The following PCDHGB1 variants were observed in gnomAD, a reference collection of about 807,000 sequenced individuals.
The protein encoded by PCDHGB1 is protocadherin gamma-B1.
In PCDHGB1, 34 loss-of-function variants were observed where a neutral mutation model predicts 56.6. The observed-to-expected ratio is 0.60, with a 90% CI of 0.46 to 0.80. The LOEUF (loss-of-function observed/expected upper bound fraction) is 0.80. Among genes scored for constraint, PCDHGB1 ranks in the 30% least tolerant of loss-of-function variants. The pLI is 0.00. For synonymous variants in PCDHGB1, 561 were observed against 505.9 expected, an observed-to-expected ratio of 1.11 and a Z score of -1.46; for missense variants, 1,278 against 1,204.6, an observed-to-expected ratio of 1.06 and a Z score of -0.90.
At chr5:141,450,786 C>A (rs1468388706) in intron 1 of PCDHGB1, among the ~76,000 whole-genome samples, 1 of 151,020 alleles carries the variant, frequency 6.6e-6, no homozygotes, top group Admixed American at 6.6e-5. Flanking sequence ...CGTGCCCGGA[C>A]CTCATGATTG....
At position 141,491,828 on chromosome 5, in the gene PCDHGB1, G is replaced by C. The variant is rs1389234164; in HGVS notation, c.2410-2979G>C. ...CTTGGTCGCTGGCTGCGCTCCACCC[G>C]ATTCTCGGGATCATTGGACCGTTTG... On this transcript the variant is annotated intron_variant, in intron 1 of 3. Coordinates refer to ENST00000523390, the MANE Select transcript of PCDHGB1 (RefSeq NM_018922.3). The surrounding 1 kb of genome is among the most constrained non-coding windows in gnomAD (Gnocchi z 6.9). 4.1e-6 allele frequency: 6 copies of C among 1,475,668 alleles called. No homozygotes were observed. The highest frequency in any genetic ancestry group is 5.4e-6 in the Non-Finnish European group (6 of 1,113,522). 91.4% of individuals were successfully genotyped at this position (1,475,668 alleles called of 1,614,324 possible).
Position 141,505,427 on chromosome 5 carries a change from A to G in PCDHGB1, c.2503A>G (p.Asn835Asp), listed in dbSNP as rs1453435374. Reference protein sequence around the residue: ...QNGDDTGTWPNNQFDTEMLQA... With the variant: ...QNGDDTGTWPDNQFDTEMLQA... The stretch of plus-strand genomic sequence containing the variant: ...TGGCGATGACACCGGCACCTGGCCC[A>G]ACAACCAGTTTGACACAGAGATGCT... The change falls in exon 3 of 4, where the codon AAC (asparagine) becomes GAC (aspartate). Residue 835 changes from asparagine to aspartate, a missense_variant. Physicochemically the swap from Asn to Asp is conservative, Grantham distance 23 (BLOSUM62 1). Coordinates refer to ENST00000523390, the MANE Select transcript of PCDHGB1 (RefSeq NM_018922.3). 1 of 1,614,230 alleles carries G rather than the reference A, an allele frequency of 6.2e-7. No individual in the cohort carries two copies. Among genetic ancestry groups the G allele is most frequent in the East Asian group, 2.2e-5 (1 of 44,878 alleles).
intron 1 of PCDHGB1, chr5:141,356,581 A>C (rs762640676): frequency 6.2e-7 from 1 of 1,614,132 alleles, no homozygotes; most frequent in South Asian, 1.1e-5. Context: ...CTCTGCTTAC[A>C]TTCCTGAAAA....
intron 1 of PCDHGB1, chr5:141,399,154 G>T (rs780620346): frequency 1.2e-6 from 2 of 1,613,850 alleles, no homozygotes; most frequent in South Asian, 1.1e-5. Context: ...TAGCCCAGAA[G>T]TTACATTCCA....
intron 1 of PCDHGB1, chr5:141,413,350 G>C: frequency 6.2e-7 from 1 of 1,613,974 alleles, no homozygotes; most frequent in South Asian, 1.1e-5. Context: ...CTTGGGTCTG[G>C]CGCCCCGGGA....
chr5:141,422,795 A>G lies in PCDHGB1; in HGVS notation c.2409+70126A>G, dbSNP rs543001807. ...CTCTATGCCCTACAATCCTTCGACTATGAGCAGTTTCGAGACTTAGAACTG... is the reference window on the plus strand; with the variant it reads ...CTCTATGCCCTACAATCCTTCGACTGTGAGCAGTTTCGAGACTTAGAACTG... On this transcript the variant is annotated intron_variant, in intron 1 of 3. Transcript: ENST00000523390. 14 of 1,614,198 alleles carry G rather than the reference A, an allele frequency of 8.7e-6. No homozygotes were observed. In the East Asian group the frequency reaches 1.8e-4, roughly 21 times the overall value.
At chr5:141,454,811 T>TTTTTA (rs1284435092) in intron 1 of PCDHGB1, among the ~76,000 whole-genome samples, 4 of 125,862 alleles carry the variant, frequency 3.2e-5, no homozygotes, top group African/African-American at 1.3e-4. Context: ...TTTTTTTTTT[T>TTTTTA]TTTTTTTTTT....
chr5:141,366,787 T>C, intron 1 of PCDHGB1: 1 of 1,572,004 alleles, frequency 6.4e-7, no homozygotes, highest in Non-Finnish European at 8.6e-7. Flanking sequence ...GACCAGAACA[T>C]TTTCATTTGT....
At chr5:141,453,029 A>G (rs1014709934) in intron 1 of PCDHGB1, among the ~76,000 whole-genome samples, 1 of 152,206 alleles carries the variant, frequency 6.6e-6, no homozygotes, top group Non-Finnish European at 1.5e-5. Context: ...TCATTAAAAT[A>G]AAGTTTGTTT....
intron 1 of PCDHGB1, among the ~76,000 whole-genome samples, chr5:141,438,655 T>C (rs1436221152): frequency 7.1e-6 from 1 of 140,042 alleles, no homozygotes; most frequent in Non-Finnish European, 1.5e-5. Flanking sequence ...CACACACATA[T>C]ATGTATATAT....
rs1171628790 is a variant in PCDHGB1 at position 141,352,592 on chromosome 5, T to A, written c.2332T>A (p.Cys778Ser). The A allele has an allele frequency of 1.9e-6, 3 of 1,613,672 alleles. No homozygotes were observed. In the East Asian group the frequency reaches 6.7e-5, roughly 36 times the overall value. The part of the protein sequence containing the change: ...PEMAPPQDLL[C>S]DDPSMVVCAS... Reference sequence around the variant, plus strand: ...AATGGCTCCCCCTCAGGATCTGCTGTGTGATGATCCTTCTATGGTTGTATG... The same window carrying A: ...AATGGCTCCCCCTCAGGATCTGCTGAGTGATGATCCTTCTATGGTTGTATG... Residue 778 changes from cysteine (C) to serine (S), a missense_variant, in exon 1 of 4, where the codon TGT (cysteine) becomes AGT (serine). By Grantham distance (112) the Cys-to-Ser change is moderately radical (BLOSUM62 -1). Coordinates refer to ENST00000523390, the MANE Select transcript of PCDHGB1 (RefSeq NM_018922.3).
chr5:141,371,279 C>G lies in PCDHGB1; in HGVS notation c.2409+18610C>G, dbSNP rs1206885550. ...AAGTGAGACAACTGTTCAAGCTGGA[C>G]AGTAAAACGGGGGAACTCACCACTA... On this transcript the variant is annotated intron_variant, in intron 1 of 3. Transcript: ENST00000523390. 3 of 1,613,900 alleles carry G rather than the reference C, an allele frequency of 1.9e-6. No homozygotes were observed. In the African/African-American group the frequency reaches 4.0e-5, roughly 22 times the overall value.
chr5:141,415,627 A>T, intron 1 of PCDHGB1: 1 of 1,598,406 alleles, frequency 6.3e-7, no homozygotes, highest in Non-Finnish European at 8.5e-7. Context: ...TTTTATTTTC[A>T]TTTTTACTTT....
intron 1 of PCDHGB1, chr5:141,365,399 T>C: frequency 1.2e-6 from 2 of 1,614,008 alleles, no homozygotes; most frequent in Non-Finnish European, 1.7e-6. Context: ...CAGTTCGATC[T>C]CTGAAGACTG....
chr5:141,469,618 T>C (rs1284372508), intron 1 of PCDHGB1, among the ~76,000 whole-genome samples: 1 of 152,148 alleles, frequency 6.6e-6, no homozygotes, highest in Non-Finnish European at 1.5e-5. Context: ...ATAAAATAAA[T>C]GTTTGTAGTT....
chr5:141,367,589 A>G (rs1467826707), intron 1 of PCDHGB1: 1 of 152,062 alleles, frequency 6.6e-6, no homozygotes, highest in African/African-American at 2.4e-5. Flanking sequence ...AAAAGTAGAT[A>G]AAATTTATAT....
At chr5:141,383,473 C>G (rs764928203) in intron 1 of PCDHGB1, 2 of 1,613,686 alleles carry the variant, frequency 1.2e-6, no homozygotes, top group South Asian at 1.1e-5. Flanking sequence ...AACTAAGTAC[C>G]CGGAACTGGT....
At chr5:141,471,708 T>G (rs1359785951) in intron 1 of PCDHGB1, among the ~76,000 whole-genome samples, 1 of 152,138 alleles carries the variant, frequency 6.6e-6, no homozygotes, top group Non-Finnish European at 1.5e-5. Context: ...GGAATAGAAG[T>G]GCCACTTACC....
chr5:141,422,140 C>A, intron 1 of PCDHGB1: 1 of 1,586,776 alleles, frequency 6.3e-7, no homozygotes, highest in Non-Finnish European at 8.5e-7. Flanking sequence ...AGTTCAAGTA[C>A]GGGGGTCTCT....
Sources: gnomAD v4.1 joint callset for allele counts (sites outside exome capture counted in the v4.1 genomes callset) on GRCh38, gnomAD v4.1.1 for gene constraint, Gnocchi (gnomAD v3.1) non-coding constraint, MANE v1.5 for transcripts, NCBI Gene and HGNC (gene_info 2026-07-23, HGNC 2026-07-21) for gene names.